The following UBR2 variants were observed in gnomAD, a reference collection of about 807,000 sequenced individuals.
The protein encoded by UBR2 is ubiquitin protein ligase E3 component n-recognin 2.
UBR2 carries 92 observed loss-of-function variants against 247.9 expected under a neutral mutation model. The observed-to-expected ratio is 0.37, with a 90% CI of 0.31 to 0.44. The LOEUF is 0.44. UBR2 is among the 20% of genes least tolerant of loss of function. The probability of loss-of-function intolerance (pLI) is 1.00; values close to 1 mark genes in which losing one functional copy is unlikely to be tolerated. For missense variants in UBR2, 1,613 were observed against 2,112.6 expected (o/e 0.76, Z 4.64); for synonymous variants, 672 against 693.5 (o/e 0.97, Z 0.49).
At chr6:42,596,025 A>G (rs1792951729) in intron 4 of UBR2, among the ~76,000 whole-genome samples, 1 of 151,232 alleles carries the variant, frequency 6.6e-6, no homozygotes, top group Non-Finnish European at 1.5e-5. Context: ...GAAAAAAAAG[A>G]ATTGTGCTTT....
intron 1 of UBR2, among the ~76,000 whole-genome samples, chr6:42,568,023 G>A (rs1790885675): frequency 1.3e-5 from 2 of 152,044 alleles, no homozygotes; most frequent in African/African-American, 4.8e-5. Flanking sequence ...CTCCATCTTG[G>A]GTGATACAGT....
chr6:42,570,683 T>TG (rs1491118347), intron 1 of UBR2, among the ~76,000 whole-genome samples: 1 of 151,466 alleles, frequency 6.6e-6, no homozygotes, highest in Non-Finnish European at 1.5e-5. Flanking sequence ...GTTTTTTTTT[T>TG]GTTGTTTGTT....
chr6:42,572,000 C>T (rs969145352), intron 1 of UBR2, among the ~76,000 whole-genome samples: 15 of 151,940 alleles, frequency 9.9e-5, no homozygotes, highest in African/African-American at 3.4e-4. Context: ...GGAGAGAATA[C>T]TTAAAGCCTG....
At chr6:42,631,467 A>G (rs1795704616) in intron 11 of UBR2, among the ~76,000 whole-genome samples, 1 of 152,180 alleles carries the variant, frequency 6.6e-6, no homozygotes, top group African/African-American at 2.4e-5. Flanking sequence ...TGGTGATATC[A>G]TTAAAATTTA....
intron 2 of UBR2, among the ~76,000 whole-genome samples, chr6:42,575,829 G>C (rs1055640360): frequency 6.6e-6 from 1 of 152,144 alleles, no homozygotes; most frequent in South Asian, 2.1e-4. Flanking sequence ...TAAGTGTGTT[G>C]TTGGGAAGTA....
intron 1 of UBR2, among the ~76,000 whole-genome samples, chr6:42,570,265 C>G (rs1791032251): frequency 6.6e-6 from 1 of 152,248 alleles, no homozygotes; most frequent in African/African-American, 2.4e-5. Flanking sequence ...CGGAGTCTCA[C>G]TCTGTCCTCC....
chr6:42,578,984 C>T (rs1791700649), intron 2 of UBR2, among the ~76,000 whole-genome samples: 1 of 151,896 alleles, frequency 6.6e-6, no homozygotes, highest in Non-Finnish European at 1.5e-5. Context: ...CACACACACA[C>T]ACACACACAC....
chr6:42,662,444 A>G (rs1797871786), intron 31 of UBR2, among the ~76,000 whole-genome samples, 167 bp downstream of exon 31: 2 of 152,220 alleles, frequency 1.3e-5, no homozygotes, highest in South Asian at 4.1e-4. Context: ...TCATAGATGT[A>G]AAGTGTATGT....
At chr6:42,629,283 C>G (rs1795547475) in intron 11 of UBR2, among the ~76,000 whole-genome samples, 1 of 149,010 alleles carries the variant, frequency 6.7e-6, no homozygotes, top group Admixed American at 6.8e-5. Context: ...TCCCAAAGTG[C>G]TCAGATTACA....
At chr6:42,657,873 A>G in intron 26 of UBR2, 151 bp from the exon 27 acceptor site, 1 of 558,540 alleles carries the variant, frequency 1.8e-6, no homozygotes, top group Non-Finnish European at 3.1e-6. Context: ...TCACATTCTC[A>G]AGAAGTATTG....
intron 44 of UBR2, among the ~76,000 whole-genome samples, chr6:42,687,095 G>A (rs1369189889): frequency 6.6e-6 from 1 of 152,232 alleles, no homozygotes; most frequent in Non-Finnish European, 1.5e-5. Context: ...CGGCCGGGCA[G>A]AGGCTGCAAT....
Position 42,691,068 on chromosome 6 carries a change from C to T in UBR2, c.5163C>T (p.Phe1721=). The T allele has an allele frequency of 6.2e-7, 1 of 1,614,102 alleles. No homozygotes were observed. The highest frequency in any genetic ancestry group is 1.3e-5 in the African/African-American group (1 of 75,034). ...CTTTACATTTATGCAAAGAGCGATTCAAGAAGATTCAGAAGCTCTGGCACC... is the reference window on the plus strand; with the variant it reads ...CTTTACATTTATGCAAAGAGCGATTTAAGAAGATTCAGAAGCTCTGGCACC... ...GNPLHLCKER[F]KKIQKLWHQH... The change falls in exon 47 of 47, where the codon TTC becomes TTT. Residue 1721 remains phenylalanine (F), a synonymous_variant. Transcript: ENST00000372901.
chr6:42,650,166 C>A, intron 22 of UBR2, 118 bp from the exon 23 acceptor site: 1 of 759,500 alleles, frequency 1.3e-6, no homozygotes, highest in Non-Finnish European at 2.1e-6. Flanking sequence ...ATAGTTGTAG[C>A]TTAACACCCA....
intron 4 of UBR2, among the ~76,000 whole-genome samples, chr6:42,598,137 G>A (rs1793116228): frequency 6.6e-6 from 1 of 152,028 alleles, no homozygotes; most frequent in Non-Finnish European, 1.5e-5. Flanking sequence ...TTTCTTCATT[G>A]TATAGGACAG....
At chr6:42,668,041 G>A (rs564145878) in intron 34 of UBR2, among the ~76,000 whole-genome samples, 4 of 152,132 alleles carry the variant, frequency 2.6e-5, no homozygotes, top group African/African-American at 4.8e-5. Flanking sequence ...TTACAGGCAT[G>A]AGCCACCACA....
chr6:42,565,568 TTTTG>T (rs1436632349), intron 1 of UBR2, among the ~76,000 whole-genome samples: 2 of 152,144 alleles, frequency 1.3e-5, no homozygotes, highest in African/African-American at 4.8e-5. Context: ...TGTTGTTTGT[TTTTG>T]TTTTTGAGAC....
intron 1 of UBR2, among the ~76,000 whole-genome samples, chr6:42,568,927 T>C (rs1235620202): frequency 6.6e-6 from 1 of 152,182 alleles, no homozygotes; most frequent in Non-Finnish European, 1.5e-5. Flanking sequence ...CGTGTGGGCA[T>C]GCAAAGTTTC....
chr6:42,632,935 C>CTTTTTTT, intron 13 of UBR2, 31 bp downstream of exon 13: 1 of 1,101,290 alleles, frequency 9.1e-7, no homozygotes. Flanking sequence ...TTTTCTTTTT[C>CTTTTTTT]CTTTTTTTTT....
At chr6:42,662,784 A>G (rs1275754730) in intron 31 of UBR2, among the ~76,000 whole-genome samples, 2 of 152,176 alleles carry the variant, frequency 1.3e-5, no homozygotes, top group Non-Finnish European at 2.9e-5. Context: ...GTTATCATGA[A>G]CTACCCCTAA....
Sources: allele counts gnomAD v4.1 joint callset (sites outside exome capture counted in the v4.1 genomes callset), GRCh38; gene constraint gnomAD v4.1.1; transcripts MANE v1.5; gene names NCBI Gene and HGNC (gene_info 2026-07-23, HGNC 2026-07-21).